FAM184A: variants seen among roughly 807,000 people sequenced by gnomAD.
FAM184A encodes protein FAM184A.
A neutral mutation model predicts 143.8 loss-of-function variants in FAM184A; 99 were observed. That is an observed-to-expected ratio of 0.69 (90% CI 0.58 to 0.81). FAM184A has a LOEUF of 0.81. FAM184A is among the 40% of genes least tolerant of loss of function. The probability of loss-of-function intolerance (pLI) is 0.00; values close to 1 mark genes in which losing one functional copy is unlikely to be tolerated. For synonymous variants in FAM184A, 427 were observed against 446.4 expected, an observed-to-expected ratio of 0.96 and a Z score of 0.55; for missense variants, 1,217 against 1,310.5, an observed-to-expected ratio of 0.93 and a Z score of 1.10.
At chr6:119,108,634 G>T (rs1467571565) in intron 1 of FAM184A, among the ~76,000 whole-genome samples, 1 of 152,152 alleles carries the variant, frequency 6.6e-6, no homozygotes, top group Non-Finnish European at 1.5e-5. Context: ...TTCATGGATT[G>T]AAAATGACAG....
chr6:119,070,675 T>C (rs918188933), intron 1 of FAM184A, among the ~76,000 whole-genome samples: 10 of 152,178 alleles, frequency 6.6e-5, no homozygotes, highest in South Asian at 2.1e-4. Flanking sequence ...TATCTATTTA[T>C]CTAATCCTGA....
chr6:119,020,787 C>G (rs1785418599), intron 3 of FAM184A, among the ~76,000 whole-genome samples: 2 of 152,108 alleles, frequency 1.3e-5, no homozygotes, highest in South Asian at 4.2e-4. Flanking sequence ...TTGCAGTGAG[C>G]TATGACTGCA....
chr6:119,122,239 G>A (rs1317043512), intron 1 of FAM184A, among the ~76,000 whole-genome samples: 1 of 152,174 alleles, frequency 6.6e-6, no homozygotes, highest in African/African-American at 2.4e-5. Context: ...GCGGAAAAAG[G>A]CCTCTGAAGG....
intron 1 of FAM184A, among the ~76,000 whole-genome samples, chr6:119,145,744 G>C (rs1772404769): frequency 6.6e-6 from 1 of 152,126 alleles, no homozygotes; most frequent in African/African-American, 2.4e-5. Context: ...CAATTCAAAA[G>C]GATAATAGTA....
At chr6:119,026,965 T>G (rs918169758) in intron 1 of FAM184A, among the ~76,000 whole-genome samples, 1 of 152,104 alleles carries the variant, frequency 6.6e-6, no homozygotes, top group Non-Finnish European at 1.5e-5. Context: ...ATAAGAGATA[T>G]TTACCATCTA....
chr6:119,099,177 A>G (rs1788581646), intron 1 of FAM184A, among the ~76,000 whole-genome samples: 1 of 152,164 alleles, frequency 6.6e-6, no homozygotes, highest in African/African-American at 2.4e-5. Flanking sequence ...TGAAGAGGGC[A>G]TGGAAGCTCC....
chr6:119,082,545 G>A (rs1788102169), upstream of FAM184A, among the ~76,000 whole-genome samples: 1 of 152,246 alleles, frequency 6.6e-6, no homozygotes, highest in Non-Finnish European at 1.5e-5. Flanking sequence ...ATTCCAACTG[G>A]GAGAAATTGG....
intron 1 of FAM184A, among the ~76,000 whole-genome samples, chr6:119,072,509 A>G (rs780325969): frequency 6.6e-5 from 10 of 152,262 alleles, no homozygotes; most frequent in Non-Finnish European, 1.5e-4. Flanking sequence ...AGATAATTCA[A>G]ACAAACCAAT....
Position 119,024,372 on chromosome 6 carries a change from G to C in FAM184A, c.601C>G (p.Leu201Val), listed in dbSNP as rs1785557298. The change falls in exon 2 of 18, where the codon CTA becomes GTA. Residue 201 changes from leucine (L) to valine (V), a missense_variant. By Grantham distance (32) the Leu-to-Val change is conservative. Coordinates refer to ENST00000338891, the MANE Select transcript of FAM184A (RefSeq NM_024581.6). ...QAAHRREIQE[L>V]LKSQQDHSAS... ...CTGTGATCCTGCTGTGACTTCAATAGCTCTTGTATCTCCCGTCTGTGAGCA... is the reference window on the plus strand; with the variant it reads ...CTGTGATCCTGCTGTGACTTCAATACCTCTTGTATCTCCCGTCTGTGAGCA... 2 of 1,614,008 alleles carry C rather than the reference G, an allele frequency of 1.2e-6. No individual in the cohort carries two copies. Among genetic ancestry groups the C allele is most frequent in the Admixed American group, 1.7e-5 (1 of 59,990 alleles).
chr6:119,081,767 CCTT>C (rs1788073716), upstream of FAM184A, among the ~76,000 whole-genome samples: 1 of 152,240 alleles, frequency 6.6e-6, no homozygotes, highest in South Asian at 2.1e-4. Context: ...CAGTCAAACT[CCTT>C]GTTGTTCTGC....
intron 1 of FAM184A, among the ~76,000 whole-genome samples, chr6:119,141,243 C>T (rs1772222438): frequency 6.6e-6 from 1 of 152,210 alleles, no homozygotes; most frequent in South Asian, 2.1e-4. Flanking sequence ...AGTCGAATTG[C>T]CCTGGTGTTG....
At chr6:119,013,046 C>T (rs914115243) in intron 5 of FAM184A, among the ~76,000 whole-genome samples, 10 of 151,782 alleles carry the variant, frequency 6.6e-5, no homozygotes, top group African/African-American at 2.4e-4. Context: ...AGCTCAGGTT[C>T]AGACATGAGG....
At chr6:119,040,931 A>ATGT (rs1786304829) in intron 1 of FAM184A, among the ~76,000 whole-genome samples, 1 of 152,168 alleles carries the variant, frequency 6.6e-6, no homozygotes, top group African/African-American at 2.4e-5. Context: ...AGGTGAACAA[A>ATGT]TGTTGCACTC....
At chr6:118,969,777 C>T (rs1178990542) in intron 14 of FAM184A, among the ~76,000 whole-genome samples, 1 of 148,422 alleles carries the variant, frequency 6.7e-6, no homozygotes, top group African/African-American at 2.5e-5. Flanking sequence ...AGGTATTTCT[C>T]CTCATGCTAT....
intron 1 of FAM184A, among the ~76,000 whole-genome samples, chr6:119,131,089 C>T (rs1460472690): frequency 1.3e-5 from 2 of 152,028 alleles, no homozygotes; most frequent in Non-Finnish European, 2.9e-5. Flanking sequence ...AGACTCCTGA[C>T]CTCAGGTGAT....
chr6:119,143,465 T>C (rs945441976), intron 1 of FAM184A, among the ~76,000 whole-genome samples: 7 of 152,198 alleles, frequency 4.6e-5, no homozygotes, highest in Admixed American at 1.3e-4. Context: ...TCTGGGTATA[T>C]GCTCAAAAAG....
chr6:119,065,491 T>C (rs889313349), intron 1 of FAM184A, among the ~76,000 whole-genome samples: 1 of 152,208 alleles, frequency 6.6e-6, no homozygotes, highest in African/African-American at 2.4e-5. Flanking sequence ...AATTTGGGGA[T>C]AATTTTTTAC....
intron 1 of FAM184A, among the ~76,000 whole-genome samples, chr6:119,111,008 G>A (rs1021415797): frequency 5.3e-5 from 8 of 151,998 alleles, no homozygotes; most frequent in Non-Finnish European, 8.8e-5. Context: ...GGAAGGTTGC[G>A]ATGAGTATCC....
At chr6:119,086,398 A>G (rs12195334) in intron 1 of FAM184A, among the ~76,000 whole-genome samples, 19,060 of 152,128 alleles carry the variant, frequency 0.13, 1,672 homozygotes, top group African/African-American at 0.23. Context: ...GGAACTCCAA[A>G]AGAGTCGCTT....
Sources: allele counts gnomAD v4.1 joint callset (sites outside exome capture counted in the v4.1 genomes callset), GRCh38; gene constraint gnomAD v4.1.1; transcripts MANE v1.5; gene names NCBI Gene and HGNC (gene_info 2026-07-23, HGNC 2026-07-21).